Variants in EPS15 observed in about 807,000 individuals in gnomAD.
EPS15 encodes epidermal growth factor receptor substrate 15.
In EPS15, 72 loss-of-function variants were observed where a neutral mutation model predicts 113.8. The observed-to-expected ratio is 0.63, with a 90% CI of 0.52 to 0.77. The LOEUF is 0.77. Among genes scored for constraint, EPS15 ranks in the 30% least tolerant of loss-of-function variants. The pLI, the probability that EPS15 is intolerant of heterozygous loss-of-function variation, is 0.00. For synonymous variants in EPS15, 344 were observed against 363.4 expected, an observed-to-expected ratio of 0.95 and a Z score of 0.61; for missense variants, 1,048 against 1,045.8, an observed-to-expected ratio of 1.00 and a Z score of -0.03.
chr1:51,422,472 A>C (rs371909475), intron 12 of EPS15, among the ~76,000 whole-genome samples: 1 of 152,370 alleles, frequency 6.6e-6, no homozygotes, highest in African/African-American at 2.4e-5. Flanking sequence ...TCAAATATAC[A>C]AACAGTATAT....
At chr1:51,488,036 C>G (rs1263149702) in intron 1 of EPS15, among the ~76,000 whole-genome samples, 1 of 152,112 alleles carries the variant, frequency 6.6e-6, no homozygotes, top group Non-Finnish European at 1.5e-5. Flanking sequence ...CTCTGGATAG[C>G]AAGATCATAA....
chr1:51,472,291 C>T (rs2148512262), intron 3 of EPS15, among the ~76,000 whole-genome samples: 1 of 152,286 alleles, frequency 6.6e-6, no homozygotes, highest in South Asian at 2.1e-4. Flanking sequence ...GCTCTTTCTA[C>T]TAGAATGTAC....
At position 51,388,793 on chromosome 1, in the gene EPS15, C is replaced by A. The variant is rs1647171083; in HGVS notation, c.2119+5588G>T. Among the ~76,000 whole-genome samples, 3 of 152,124 alleles carry A rather than the reference C, an allele frequency of 2.0e-5. No homozygotes were observed. In the South Asian group the frequency reaches 6.2e-4, roughly 32 times the overall value. On this transcript the variant is annotated intron_variant, in intron 21 of 24. Transcript: ENST00000371733. The stretch of plus-strand genomic sequence containing the variant: ...GAAGAAGTTGACTCTCTGAATAGAC[C>A]AATAACAGACTCTGAAATTGTGGCA...
At chr1:51,395,290 T>C (rs1647816586) in intron 20 of EPS15, among the ~76,000 whole-genome samples, 1 of 152,194 alleles carries the variant, frequency 6.6e-6, no homozygotes, top group Non-Finnish European at 1.5e-5. Context: ...CTAAGAACAC[T>C]GGTACAAAAC....
At chr1:51,372,344 C>G (rs1646677401) in intron 21 of EPS15, 2 of 534,848 alleles carry the variant, frequency 3.7e-6, no homozygotes, top group Non-Finnish European at 7.6e-6. Flanking sequence ...ACCGAATCAG[C>G]AAGGTTGGAA....
chr1:51,415,638 A>C (rs1385527101), intron 13 of EPS15, among the ~76,000 whole-genome samples: 2 of 151,370 alleles, frequency 1.3e-5, no homozygotes, highest in Non-Finnish European at 2.9e-5. Context: ...CTCTACTAAA[A>C]ATAAAAAATT....
intron 1 of EPS15, among the ~76,000 whole-genome samples, chr1:51,504,440 A>C (rs985877956): frequency 3.9e-5 from 6 of 152,050 alleles, no homozygotes; most frequent in Non-Finnish European, 7.4e-5. Flanking sequence ...TAAATTAAAA[A>C]CTTCAAAGTA....
In EPS15 at chr1:51,403,408, T is replaced by C. The variant is rs1162018437; in HGVS notation, c.1791+11A>G. On this transcript the variant is annotated intron_variant, in intron 17 of 24. Coordinates refer to ENST00000371733, the MANE Select transcript of EPS15 (RefSeq NM_001981.3). The stretch of plus-strand genomic sequence containing the variant: ...ACAAGTCCCCAATGTAAATATAAAA[T>C]CATTTTTTACCTCTTTTGAATGTCT... 4 of 1,478,454 alleles carry C rather than the reference T, an allele frequency of 2.7e-6. No individual in the cohort carries two copies. Among genetic ancestry groups the C allele is most frequent in the Non-Finnish European group, 3.8e-6 (4 of 1,064,216 alleles). The allele number at this position is 1,478,454 out of a possible 1,614,324, so 91.6% of individuals were successfully genotyped here.
At chr1:51,362,300 T>C (rs1399669997) in intron 23 of EPS15, among the ~76,000 whole-genome samples, 1 of 152,208 alleles carries the variant, frequency 6.6e-6, no homozygotes, top group Admixed American at 6.5e-5. Context: ...TATGAAATTA[T>C]ACACTTAAGA....
chr1:51,408,058 C>G (rs1649297291), intron 15 of EPS15, 77 bp downstream of exon 15: 1 of 1,260,658 alleles, frequency 7.9e-7, no homozygotes. Flanking sequence ...GTTGAAGGAG[C>G]AGAAGTTGGA....
intron 4 of EPS15, among the ~76,000 whole-genome samples, chr1:51,468,957 G>T (rs563884475): frequency 1.3e-5 from 2 of 151,792 alleles, no homozygotes; most frequent in Non-Finnish European, 2.9e-5. Context: ...GAGAAACCCC[G>T]TCTCTCTACT....
intron 1 of EPS15, among the ~76,000 whole-genome samples, chr1:51,513,351 T>C (rs1644660564): frequency 6.6e-6 from 1 of 152,184 alleles, no homozygotes; most frequent in Admixed American, 6.5e-5. Context: ...CCCTGAGGTT[T>C]TGAAAACAAT....
intron 11 of EPS15, among the ~76,000 whole-genome samples, chr1:51,443,962 A>T (rs1186483103): frequency 6.6e-6 from 1 of 152,070 alleles, no homozygotes; most frequent in East Asian, 1.9e-4. Flanking sequence ...TTTGGTTTTT[A>T]TTAATCTTTT....
At chr1:51,452,061 T>A (rs1010836006) in intron 8 of EPS15, among the ~76,000 whole-genome samples, 2 of 151,292 alleles carry the variant, frequency 1.3e-5, no homozygotes, top group African/African-American at 2.4e-5. Context: ...TTTTTTTTTT[T>A]AAAGAGATGA....
At chr1:51,374,464 C>A (rs948118772) in intron 21 of EPS15, among the ~76,000 whole-genome samples, 1 of 151,926 alleles carries the variant, frequency 6.6e-6, no homozygotes, top group Non-Finnish European at 1.5e-5. Flanking sequence ...ATTAGCCGGG[C>A]GTGGTGGCGG....
chr1:51,401,585 G>A lies in EPS15; in HGVS notation c.1883-632C>T, dbSNP rs553666973. ...AATAGTTTCTTAGATGACACCAAAA[G>A]CACAAGTGACAGAAGAAAAAATAGA... On this transcript the variant is annotated intron_variant, in intron 18 of 24. Coordinates refer to ENST00000371733, the MANE Select transcript of EPS15 (RefSeq NM_001981.3). 2.0e-5 allele frequency among the ~76,000 whole-genome samples: 3 copies of A among 152,288 alleles called. No homozygotes were observed. In the South Asian group the frequency reaches 6.2e-4, roughly 32 times the overall value.
At chr1:51,516,003 A>C (rs1644709542) in intron 1 of EPS15, among the ~76,000 whole-genome samples, 1 of 152,044 alleles carries the variant, frequency 6.6e-6, no homozygotes, top group Non-Finnish European at 1.5e-5. Flanking sequence ...ACTATTGGAA[A>C]CTTTTTTTTT....
chr1:51,466,462 C>CA (rs927738053), intron 5 of EPS15, among the ~76,000 whole-genome samples: 5 of 146,754 alleles, frequency 3.4e-5, no homozygotes, highest in Admixed American at 6.9e-5. Flanking sequence ...TCTCTACCAC[C>CA]AAAAAAAAAA....
intron 12 of EPS15, among the ~76,000 whole-genome samples, chr1:51,438,948 A>G (rs964628131): frequency 1.3e-5 from 2 of 152,088 alleles, no homozygotes; most frequent in Non-Finnish European, 1.5e-5. Context: ...TCAGATTTCA[A>G]TATTAGAAGT....
Sources: gnomAD v4.1 joint callset for allele counts (sites outside exome capture counted in the v4.1 genomes callset) on GRCh38, gnomAD v4.1.1 for gene constraint, MANE v1.5 for transcripts, NCBI Gene and HGNC (gene_info 2026-07-23, HGNC 2026-07-21) for gene names.